The following PDE4D variants were observed in gnomAD, a reference collection of about 807,000 sequenced individuals.
PDE4D encodes phosphodiesterase 4D, also known as 3',5'-cyclic-AMP phosphodiesterase 4D.
Under a neutral mutation model 87.4 loss-of-function variants are expected in PDE4D, and 24 were observed. The observed-to-expected ratio is 0.27, with a 90% CI of 0.20 to 0.39. PDE4D has a LOEUF of 0.39. PDE4D is among the 10% of genes least tolerant of loss of function. The pLI is 1.00. For missense variants in PDE4D, 714 were observed against 1,041.0 expected (o/e 0.69, Z 4.32); for synonymous variants, 384 against 383.2 (o/e 1.00, Z -0.02).
chr5:60,270,439 T>A (rs980047532), intron 1 of PDE4D, among the ~76,000 whole-genome samples: 21 of 152,236 alleles, frequency 1.4e-4, no homozygotes, highest in African/African-American at 5.1e-4. Flanking sequence ...CAGACCAGAA[T>A]AATATTTCAT....
chr5:59,210,648 C>T (rs543953321), intron 2 of PDE4D, among the ~76,000 whole-genome samples: 1 of 152,302 alleles, frequency 6.6e-6, no homozygotes, highest in South Asian at 2.1e-4. Context: ...ATCAAATCTA[C>T]TCACTTCCTC....
At chr5:59,538,147 C>T (rs560066164) in intron 1 of PDE4D, among the ~76,000 whole-genome samples, 1 of 152,150 alleles carries the variant, frequency 6.6e-6, no homozygotes, top group Non-Finnish European at 1.5e-5. Context: ...TTCTGCAATG[C>T]TAAAATTCTG....
intron 1 of PDE4D, among the ~76,000 whole-genome samples, chr5:60,234,267 T>C (rs1378418810): frequency 2.0e-5 from 3 of 151,866 alleles, no homozygotes; most frequent in African/African-American, 7.2e-5. Flanking sequence ...TTGTAGCATA[T>C]ATCAATACTT....
At chr5:59,847,790 T>C (rs1265640996) in intron 1 of PDE4D, among the ~76,000 whole-genome samples, 2 of 152,136 alleles carry the variant, frequency 1.3e-5, no homozygotes, top group African/African-American at 4.8e-5. Context: ...CTGAAACCAT[T>C]GGCCTGCGCC....
chr5:60,186,216 T>A (rs1455338462), intron 1 of PDE4D, among the ~76,000 whole-genome samples: 1 of 152,182 alleles, frequency 6.6e-6, no homozygotes, highest in African/African-American at 2.4e-5. Flanking sequence ...TTTAGTGAGT[T>A]ATCTACCCCT....
intron 5 of PDE4D, among the ~76,000 whole-genome samples, chr5:59,150,230 C>T (rs567639417): frequency 1.3e-5 from 2 of 152,126 alleles, no homozygotes; most frequent in Non-Finnish European, 2.9e-5. Flanking sequence ...CTTTCAAGCT[C>T]TGCAGTAGTA....
intron 1 of PDE4D, among the ~76,000 whole-genome samples, chr5:59,825,894 C>A (rs72751283): frequency 0.22 from 34,162 of 152,072 alleles, 4,866 homozygotes; most frequent in Admixed American, 0.34. Flanking sequence ...ATTAATTGAG[C>A]CTTCCTTCTC....
intron 3 of PDE4D, among the ~76,000 whole-genome samples, chr5:59,961,058 T>C (rs1045207177): frequency 6.6e-6 from 1 of 152,028 alleles, no homozygotes; most frequent in Non-Finnish European, 1.5e-5. Context: ...TGGAGACACA[T>C]CAGTGAGCAT....
intron 1 of PDE4D, among the ~76,000 whole-genome samples, chr5:60,194,943 G>C (rs976131463): frequency 6.6e-6 from 1 of 151,622 alleles, no homozygotes; most frequent in Non-Finnish European, 1.5e-5. Flanking sequence ...CCTGTCTGCT[G>C]TTTGCAGTAT....
At chr5:59,386,751 G>A (rs1787135699) in intron 1 of PDE4D, among the ~76,000 whole-genome samples, 1 of 151,908 alleles carries the variant, frequency 6.6e-6, no homozygotes, top group Admixed American at 6.6e-5. Flanking sequence ...AAAGAAATAT[G>A]CCATGGGAAT....
At chr5:59,225,677 C>T (rs989503762) in intron 1 of PDE4D, among the ~76,000 whole-genome samples, 6 of 151,950 alleles carry the variant, frequency 3.9e-5, no homozygotes, top group African/African-American at 1.4e-4. Flanking sequence ...TGTTTCTGCA[C>T]AGCAAGGGAG....
chr5:60,155,293 G>C (rs1781869339), intron 2 of PDE4D, among the ~76,000 whole-genome samples: 2 of 152,072 alleles, frequency 1.3e-5, no homozygotes, highest in Admixed American at 6.6e-5. Flanking sequence ...CAATTTTTGT[G>C]GTGTGTACTT....
intron 1 of PDE4D, among the ~76,000 whole-genome samples, chr5:60,406,940 A>G (rs989928849): frequency 5.9e-5 from 9 of 152,148 alleles, no homozygotes; most frequent in African/African-American, 1.7e-4. Context: ...CTATAAATTC[A>G]ACACAACTAG....
intron 1 of PDE4D, among the ~76,000 whole-genome samples, chr5:60,214,791 G>A (rs921575677): frequency 7.2e-5 from 11 of 152,108 alleles, no homozygotes; most frequent in African/African-American, 2.7e-4. Flanking sequence ...TGTCCTAAAA[G>A]GAGACATTTA....
At chr5:59,075,475 A>G (rs931007676) in intron 5 of PDE4D, among the ~76,000 whole-genome samples, 3 of 151,376 alleles carry the variant, frequency 2.0e-5, no homozygotes, top group Admixed American at 6.6e-5. Flanking sequence ...TAAATACTTC[A>G]AATCATTGGT....
intron 1 of PDE4D, among the ~76,000 whole-genome samples, chr5:59,398,935 C>T (rs371256843): frequency 0.15 from 14,657 of 99,812 alleles, 1,168 homozygotes; most frequent in Middle Eastern, 0.21. Flanking sequence ...TATACACCAA[C>T]AACAGACAAA....
At chr5:59,261,047 T>C (rs1761915437) in intron 1 of PDE4D, among the ~76,000 whole-genome samples, 1 of 151,740 alleles carries the variant, frequency 6.6e-6, no homozygotes, top group Non-Finnish European at 1.5e-5. Context: ...ACAAATGGTA[T>C]AGTAGTCCAG....
intron 1 of PDE4D, among the ~76,000 whole-genome samples, chr5:59,757,161 G>T (rs1035280289): frequency 1.3e-5 from 2 of 151,990 alleles, no homozygotes; most frequent in African/African-American, 4.8e-5. Context: ...TGAACTAGAA[G>T]ACAGCATAAC....
intron 3 of PDE4D, among the ~76,000 whole-genome samples, chr5:59,924,286 G>A (rs1489514578): frequency 1.3e-5 from 2 of 152,090 alleles, no homozygotes; most frequent in Non-Finnish European, 2.9e-5. Context: ...AAGAGAAGGT[G>A]GAGAGAGACA....
Sources: allele counts gnomAD v4.1 joint callset (sites outside exome capture counted in the v4.1 genomes callset), GRCh38; gene constraint gnomAD v4.1.1; transcripts MANE v1.5; gene names NCBI Gene and HGNC (gene_info 2026-07-23, HGNC 2026-07-21).